Variants in PCDHGA3 observed in about 807,000 individuals in gnomAD.
PCDHGA3 encodes protocadherin gamma-A3.
A neutral mutation model predicts 58.5 loss-of-function variants in PCDHGA3; 40 were observed. The observed-to-expected ratio is 0.68, with a 90% CI of 0.53 to 0.89. The LOEUF (loss-of-function observed/expected upper bound fraction) is 0.89. Among genes scored for constraint, PCDHGA3 ranks in the 40% least tolerant of loss-of-function variants. The probability of loss-of-function intolerance (pLI) is 0.00; values close to 1 mark genes in which losing one functional copy is unlikely to be tolerated. For synonymous variants in PCDHGA3, 530 were observed against 525.7 expected (o/e 1.01, Z -0.11); for missense variants, 1,223 against 1,195.9 (o/e 1.02, Z -0.33).
At position 141,491,150 on chromosome 5, in the gene PCDHGA3, A is replaced by G; in HGVS notation, c.2425-3657A>G. On this transcript the variant is annotated intron_variant, in intron 1 of 3. Coordinates refer to ENST00000253812, the MANE Select transcript of PCDHGA3 (RefSeq NM_018916.4). This position sits in a 1 kb window ranked among gnomAD's most constrained non-coding sequence, Gnocchi z 6.9. ...CGCACAGCCCGGGCCTTACTGGAGG[A>G]TGACTCTGACACCCAGCAGGTGGTG... is the stretch of plus-strand genomic sequence containing the variant. 1 of 1,614,122 alleles carries G rather than the reference A, an allele frequency of 6.2e-7. No individual in the cohort carries two copies. Among genetic ancestry groups the G allele is most frequent in the African/African-American group, 1.3e-5 (1 of 75,060 alleles).
intron 1 of PCDHGA3, among the ~76,000 whole-genome samples, chr5:141,402,192 CTT>C (rs1205831935): frequency 6.6e-6 from 1 of 152,006 alleles, no homozygotes; most frequent in Non-Finnish European, 1.5e-5. Flanking sequence ...ATTAATATTA[CTT>C]TTATAATACA....
chr5:141,495,642 C>T (rs1294293252), intron 2 of PCDHGA3, among the ~76,000 whole-genome samples: 1 of 152,208 alleles, frequency 6.6e-6, no homozygotes. Flanking sequence ...TTTCATTTGT[C>T]TACTTGCATT....
At chr5:141,382,597 A>G (rs1231482807) in intron 1 of PCDHGA3, 7 of 256,092 alleles carry the variant, frequency 2.7e-5, no homozygotes, top group African/African-American at 6.6e-5. Context: ...AGATGAAACA[A>G]TTTTCTATGA....
chr5:141,401,922 A>C (rs899426870), intron 1 of PCDHGA3, among the ~76,000 whole-genome samples: 10 of 152,194 alleles, frequency 6.6e-5, no homozygotes, highest in Non-Finnish European at 1.3e-4. Flanking sequence ...AGTTTAAGTG[A>C]TGCTTAGAAT....
At chr5:141,382,189 A>G (rs1588915821) in intron 1 of PCDHGA3, among the ~76,000 whole-genome samples, 1 of 152,174 alleles carries the variant, frequency 6.6e-6, no homozygotes, top group African/African-American at 2.4e-5. Flanking sequence ...GGTTCTATAC[A>G]ATCAAAAATT....
intron 1 of PCDHGA3, among the ~76,000 whole-genome samples, chr5:141,347,592 C>A (rs1757987474): frequency 6.6e-6 from 1 of 151,958 alleles, no homozygotes; most frequent in Admixed American, 6.6e-5. Context: ...TTCAAGAACA[C>A]CCTGGCCAAC....
chr5:141,481,312 T>C (rs953898526), intron 1 of PCDHGA3, among the ~76,000 whole-genome samples: 1 of 152,200 alleles, frequency 6.6e-6, no homozygotes, highest in Non-Finnish European at 1.5e-5. Flanking sequence ...AAAACCTTCC[T>C]AAAGCACTAG....
intron 1 of PCDHGA3, chr5:141,375,926 G>A: frequency 3.1e-6 from 5 of 1,613,758 alleles, no homozygotes; most frequent in African/African-American, 1.3e-5. Context: ...CAGCGAGCCA[G>A]GACTTTTCTC....
intron 1 of PCDHGA3, chr5:141,410,847 GTCT>G: frequency 6.3e-6 from 1 of 158,248 alleles, no homozygotes. Context: ...TTTTGTCTTT[GTCT>G]TTTTTTTTTT....
In PCDHGA3 at chr5:141,366,007, G is replaced by A. The variant is rs764457320; in HGVS notation, c.2424+19550G>A. 6.2e-6 allele frequency: 10 copies of A among 1,614,058 alleles called. No homozygotes were observed. In the Admixed American group the frequency reaches 6.7e-5, roughly 11 times the overall value. The stretch of plus-strand genomic sequence containing the variant: ...TTGTGCTGGACCAGAACGACAATAC[G>A]CCTGAGATCCTGTACCCCGCCCTCC... On this transcript the variant is annotated intron_variant, in intron 1 of 3. Transcript: ENST00000253812.
intron 1 of PCDHGA3, chr5:141,478,484 C>A (rs376021397): frequency 1.2e-5 from 20 of 1,613,340 alleles, no homozygotes; most frequent in Non-Finnish European, 1.4e-5. Context: ...GAACACGCTG[C>A]GGAGCTGTGA....
intron 1 of PCDHGA3, chr5:141,395,395 T>TA: frequency 1.1e-6 from 1 of 906,424 alleles, no homozygotes; most frequent in Non-Finnish European, 1.6e-6. Flanking sequence ...AATTGAACTC[T>TA]AATAGTCATA....
intron 1 of PCDHGA3, chr5:141,362,451 G>A (rs1762506197): frequency 4.3e-6 from 7 of 1,613,994 alleles, no homozygotes; most frequent in South Asian, 1.1e-5. Flanking sequence ...ACATAACCCC[G>A]GAATTGGTTC....
intron 2 of PCDHGA3, among the ~76,000 whole-genome samples, chr5:141,502,170 G>A (rs1165631931): frequency 6.6e-6 from 1 of 152,128 alleles, no homozygotes; most frequent in Admixed American, 6.5e-5. Context: ...TTCAGTTGAG[G>A]AATTTAACAT....
intron 1 of PCDHGA3, among the ~76,000 whole-genome samples, chr5:141,468,041 T>C (rs972340736): frequency 4.6e-5 from 7 of 152,120 alleles, no homozygotes; most frequent in Admixed American, 3.9e-4. Flanking sequence ...TTTAGAAAAC[T>C]AAGCCGGGCA....
chr5:141,409,883 C>T lies in PCDHGA3; in HGVS notation c.2424+63426C>T, dbSNP rs530193346. 1.2e-6 allele frequency: 2 copies of T among 1,612,988 alleles called. No individual in the cohort carries two copies. The highest frequency in any genetic ancestry group is 3.3e-5 in the Admixed American group (2 of 59,964). ...GGGAGACCGCAATGACAACGCACCGCGGGTGCTGTACCCAGCTCTGGGTCC... is the reference window on the plus strand; with the variant it reads ...GGGAGACCGCAATGACAACGCACCGTGGGTGCTGTACCCAGCTCTGGGTCC... On this transcript the variant is annotated intron_variant, in intron 1 of 3. Transcript: ENST00000253812.
chr5:141,485,177 C>T lies in PCDHGA3; in HGVS notation c.2425-9630C>T. ...AGAGAATTAGCGGGCGGCAGCAATG[C>T]TCCGCAAGGTGAGAAGCTGGACAGA... On this transcript the variant is annotated intron_variant, in intron 1 of 3. Coordinates refer to ENST00000253812, the MANE Select transcript of PCDHGA3 (RefSeq NM_018916.4). This position sits in a 1 kb window ranked among gnomAD's most constrained non-coding sequence, Gnocchi z 5.7. 1 of 1,612,024 alleles carries T rather than the reference C, an allele frequency of 6.2e-7. No homozygotes were observed. Among genetic ancestry groups the T allele is most frequent in the South Asian group, 1.1e-5 (1 of 90,956 alleles).
At chr5:141,442,947 C>T (rs185574624) in intron 1 of PCDHGA3, among the ~76,000 whole-genome samples, 92 of 152,282 alleles carry the variant, frequency 6.0e-4, no homozygotes, top group African/African-American at 1.7e-3. Flanking sequence ...AACTTCCTCT[C>T]ACTGCAAAAA....
intron 1 of PCDHGA3, chr5:141,389,501 G>A (rs752472089): frequency 3.7e-6 from 6 of 1,613,066 alleles, no homozygotes; most frequent in Non-Finnish European, 5.1e-6. Context: ...GCTCGCCAGC[G>A]CTCAGCGCGA....
Sources: gnomAD v4.1 joint callset for allele counts (sites outside exome capture counted in the v4.1 genomes callset) on GRCh38, gnomAD v4.1.1 for gene constraint, Gnocchi (gnomAD v3.1) non-coding constraint, MANE v1.5 for transcripts, NCBI Gene and HGNC (gene_info 2026-07-23, HGNC 2026-07-21) for gene names.